The following GNG12 variants were observed in gnomAD, a reference collection of about 807,000 sequenced individuals.
The protein encoded by GNG12 is guanine nucleotide-binding protein G(I)/G(S)/G(O) subunit gamma-12.
For missense variants in GNG12, 69 were observed against 83.8 expected, an observed-to-expected ratio of 0.82 and a Z score of 0.69; for synonymous variants, 28 against 29.7, an observed-to-expected ratio of 0.94 and a Z score of 0.19.
Position 67,705,170 on chromosome 1 carries a change from G to T in GNG12, c.*281C>A. On this transcript the variant is annotated 3_prime_UTR_variant, in exon 4 of 4. Transcript: ENST00000370982. The stretch of plus-strand genomic sequence containing the variant: ...TTGTATTTCTAAAGTATATAATTAT[G>T]TTTTTAAAAAGGCCCAGATCAACTT... The T allele has an allele frequency of 4.2e-6, 1 of 236,244 alleles. No homozygotes were observed. The highest frequency in any genetic ancestry group is 2.3e-5 in the African/African-American group (1 of 43,922). The allele number at this position is 236,244 out of a possible 1,614,324, so 14.6% of individuals were successfully genotyped here.
At chr1:67,735,322 G>T (rs202213591) in intron 2 of GNG12, among the ~76,000 whole-genome samples, 1 of 152,286 alleles carries the variant, frequency 6.6e-6, no homozygotes, top group Non-Finnish European at 1.5e-5. Context: ...CTTGTGGCTT[G>T]CAGCATTTCC....
chr1:67,795,806 G>C (rs1186070902), intron 1 of GNG12, among the ~76,000 whole-genome samples: 1 of 152,182 alleles, frequency 6.6e-6, no homozygotes, highest in Non-Finnish European at 1.5e-5. Flanking sequence ...TGGAGTGTGA[G>C]GACACAGGAA....
intron 2 of GNG12, among the ~76,000 whole-genome samples, chr1:67,726,336 A>G (rs1392843316): frequency 6.6e-6 from 1 of 152,232 alleles, no homozygotes; most frequent in East Asian, 1.9e-4. Flanking sequence ...TGCAATACAC[A>G]AAGAATAAGT....
intron 1 of GNG12, among the ~76,000 whole-genome samples, chr1:67,812,622 C>T (rs572314364): frequency 1.2e-4 from 18 of 152,180 alleles, no homozygotes; most frequent in African/African-American, 1.7e-4. Context: ...AGGAGCCATT[C>T]GAAAAGAAGG....
chr1:67,708,803 G>A (rs543087086), intron 2 of GNG12, among the ~76,000 whole-genome samples: 7 of 152,166 alleles, frequency 4.6e-5, no homozygotes, highest in Non-Finnish European at 8.8e-5. Context: ...TGCCTCCCCG[G>A]CGCTATGTGA....
intron 2 of GNG12, among the ~76,000 whole-genome samples, chr1:67,729,375 T>C (rs1261782990): frequency 6.6e-6 from 1 of 152,200 alleles, no homozygotes; most frequent in Non-Finnish European, 1.5e-5. Flanking sequence ...AGGCCAGTTC[T>C]TTGGACTCAG....
At chr1:67,707,205 C>T (rs897042829) in intron 3 of GNG12, among the ~76,000 whole-genome samples, 8 of 152,214 alleles carry the variant, frequency 5.3e-5, no homozygotes, top group Admixed American at 3.3e-4. Flanking sequence ...TGACTTCTTA[C>T]GTGAAGCTGC....
chr1:67,774,679 G>A (rs75983102), intron 2 of GNG12, among the ~76,000 whole-genome samples: 2,714 of 152,208 alleles, frequency 0.018, 38 homozygotes, highest in Non-Finnish European at 0.023. Context: ...TCTCTCTTTA[G>A]TACTACTGGT....
intron 2 of GNG12, among the ~76,000 whole-genome samples, chr1:67,730,988 A>G (rs1440499621): frequency 2.0e-5 from 3 of 152,182 alleles, no homozygotes; most frequent in African/African-American, 7.2e-5. Context: ...TTCATCCAGA[A>G]CATCTGTCAG....
intron 2 of GNG12, among the ~76,000 whole-genome samples, chr1:67,710,206 T>TTA (rs1439734585): frequency 6.5e-5 from 2 of 30,700 alleles, no homozygotes; most frequent in African/African-American, 1.4e-4. Context: ...ATATATATAG[T>TTA]TATATATATA....
chr1:67,704,727 G>A lies in GNG12; in HGVS notation c.*724C>T, dbSNP rs1389205764. ...ATATTATCGAAGGACTGTCAGTTTA[G>A]TTTGGTACAGTTTATTGTAGCCTAA... On this transcript the variant is annotated 3_prime_UTR_variant, in exon 4 of 4. Transcript: ENST00000370982. 3.9e-5 allele frequency: 6 copies of A among 152,622 alleles called. No individual in the cohort carries two copies. The highest frequency in any genetic ancestry group is 8.8e-5 in the Non-Finnish European group (6 of 68,042). The allele number at this position is 152,622 out of a possible 1,614,324, so 9.5% of individuals were successfully genotyped here.
rs777709090 is a variant in GNG12, at chr1:67,707,721, A to G, written c.-26-9T>C. On this transcript the variant is annotated splice_polypyrimidine_tract_variant and intron_variant, in intron 2 of 3. Coordinates refer to ENST00000370982, the MANE Select transcript of GNG12 (RefSeq NM_018841.6). ...TTGTTTTTACCTGAAATCTGAGGAG[A>G]ATTTTTTTTAAAGACAAGTAACAGG... The G allele has an allele frequency of 7.0e-7, 1 of 1,437,574 alleles. No homozygotes were observed. Among genetic ancestry groups the G allele is most frequent in the South Asian group, 1.2e-5 (1 of 80,026 alleles). The allele number at this position is 1,437,574 out of a possible 1,614,324, so 89.1% of individuals were successfully genotyped here.
At chr1:67,751,811 C>A (rs1646540384) in intron 2 of GNG12, among the ~76,000 whole-genome samples, 1 of 152,148 alleles carries the variant, frequency 6.6e-6, no homozygotes, top group Non-Finnish European at 1.5e-5. Flanking sequence ...AAACCATAAG[C>A]AAACAGAAAC....
chr1:67,831,235 T>A lies in GNG12; in HGVS notation c.-77+2109A>T, dbSNP rs573742592. 7.9e-4 allele frequency among the ~76,000 whole-genome samples: 120 copies of A among 152,118 alleles called. No individual in the cohort carries two copies. The South Asian group carries it at 0.01, about 13-fold the overall frequency. ...ACAATAAATCACATAATTCTAATTT[T>A]AAAAAAAACTAATTTGATATTGGCT... On this transcript the variant is annotated intron_variant, in intron 1 of 3. Transcript: ENST00000370982.
intron 1 of GNG12, among the ~76,000 whole-genome samples, chr1:67,823,134 C>T (rs751949390): frequency 2.6e-5 from 4 of 152,156 alleles, no homozygotes; most frequent in African/African-American, 2.4e-5. Context: ...CAACAAAATA[C>T]GGCATGTATA....
At chr1:67,766,135 CACACACACACACA>C (rs1557610100) in intron 2 of GNG12, among the ~76,000 whole-genome samples, 4 of 148,750 alleles carry the variant, frequency 2.7e-5, no homozygotes, top group African/African-American at 1.0e-4. Context: ...CACACACACA[CACACACACACACA>C]CCCCTAAACA....
In GNG12 at chr1:67,764,985, T is replaced by A. The variant is rs184481495; in HGVS notation, c.-27+12473A>T. Among the ~76,000 whole-genome samples the A allele has an allele frequency of 1.6e-3, 239 of 152,256 alleles. 1 individual carries two copies. Among genetic ancestry groups the A allele is most frequent in the African/African-American group, 5.4e-3 (226 of 41,542 alleles). On this transcript the variant is annotated intron_variant, in intron 2 of 3. Transcript: ENST00000370982. The stretch of plus-strand genomic sequence containing the variant: ...TTCAGGCAATTAGTTTCCAAACACT[T>A]GGGTCAAAAAGCAACAGATTATATT...
rs529487423 is a variant in GNG12, at chr1:67,761,699, G to A, written c.-27+15759C>T. Among the ~76,000 whole-genome samples the A allele has an allele frequency of 1.2e-4, 19 of 152,236 alleles. No homozygotes were observed. In the South Asian group the frequency reaches 3.7e-3, roughly 30 times the overall value. On this transcript the variant is annotated intron_variant, in intron 2 of 3. Coordinates refer to ENST00000370982, the MANE Select transcript of GNG12 (RefSeq NM_018841.6). ...TCCAACAGTTCAGCAGGGTATATCCGAGATCGGCAAACTCTCCAACGAGGT... is the reference window on the plus strand; with the variant it reads ...TCCAACAGTTCAGCAGGGTATATCCAAGATCGGCAAACTCTCCAACGAGGT...
At chr1:67,728,940 T>C (rs1646403186) in intron 2 of GNG12, among the ~76,000 whole-genome samples, 1 of 152,208 alleles carries the variant, frequency 6.6e-6, no homozygotes, top group African/African-American at 2.4e-5. Context: ...ACAGAAAACC[T>C]GGAACATAAG....
Sources: allele counts gnomAD v4.1 joint callset (sites outside exome capture counted in the v4.1 genomes callset), GRCh38; gene constraint gnomAD v4.1.1; transcripts MANE v1.5; gene names NCBI Gene and HGNC (gene_info 2026-07-23, HGNC 2026-07-21).